The following LHFPL6 variants were observed in gnomAD, a reference collection of about 807,000 sequenced individuals.
LHFPL6 encodes the protein LHFPL tetraspan subfamily member 6.
A neutral mutation model predicts 20.6 loss-of-function variants in LHFPL6; 9 were observed. The observed-to-expected ratio is 0.44, with a 90% CI of 0.26 to 0.76. The LOEUF is 0.76. LHFPL6 is among the 30% of genes least tolerant of loss of function. The pLI, the probability that LHFPL6 is intolerant of heterozygous loss-of-function variation, is 0.20. For synonymous variants in LHFPL6, 105 were observed against 98.7 expected (o/e 1.06, Z -0.38); for missense variants, 218 against 253.5 (o/e 0.86, Z 0.95).
At chr13:39,453,487 T>C (rs1159736435) in intron 2 of LHFPL6, among the ~76,000 whole-genome samples, 1 of 152,232 alleles carries the variant, frequency 6.6e-6, no homozygotes, top group Non-Finnish European at 1.5e-5. Flanking sequence ...AAATACTTTG[T>C]GTCATGTTTT....
intron 2 of LHFPL6, among the ~76,000 whole-genome samples, chr13:39,560,371 A>G (rs1871432208): frequency 6.6e-6 from 1 of 152,016 alleles, no homozygotes; most frequent in African/African-American, 2.4e-5. Flanking sequence ...CCAGAAATCA[A>G]TTTCTGTTCT....
chr13:39,592,663 C>T (rs1051528401), intron 2 of LHFPL6, among the ~76,000 whole-genome samples: 5 of 152,126 alleles, frequency 3.3e-5, no homozygotes, highest in East Asian at 1.9e-4. Flanking sequence ...GGCAGAGACA[C>T]GACAAAAAAA....
chr13:39,549,940 A>G (rs1430428633), intron 2 of LHFPL6, among the ~76,000 whole-genome samples: 4 of 152,106 alleles, frequency 2.6e-5, no homozygotes, highest in Non-Finnish European at 5.9e-5. Flanking sequence ...TTAGACACAG[A>G]AAGTAGATTA....
chr13:39,414,505 G>A (rs1286979224), intron 2 of LHFPL6, among the ~76,000 whole-genome samples: 1 of 152,158 alleles, frequency 6.6e-6, no homozygotes, highest in Admixed American at 6.5e-5. Context: ...AGTCTTCATG[G>A]TGGATTTGGG....
chr13:39,509,535 A>T (rs571578114), intron 2 of LHFPL6, among the ~76,000 whole-genome samples: 58 of 151,956 alleles, frequency 3.8e-4, no homozygotes, highest in Admixed American at 8.5e-4. Flanking sequence ...TTTAAATTTG[A>T]TTTTTTTATT....
intron 3 of LHFPL6, among the ~76,000 whole-genome samples, chr13:39,345,708 T>A (rs1385411721): frequency 6.6e-6 from 1 of 151,978 alleles, no homozygotes; most frequent in African/African-American, 2.4e-5. Context: ...ACAATGCCTA[T>A]GGCATAGATA....
intron 2 of LHFPL6, among the ~76,000 whole-genome samples, chr13:39,489,575 G>A (rs1245949283): frequency 6.6e-6 from 1 of 151,856 alleles, no homozygotes; most frequent in Non-Finnish European, 1.5e-5. Context: ...GGGAGCGGGG[G>A]ATAGGGTCTC....
chr13:39,526,920 T>C (rs992104790), intron 2 of LHFPL6, among the ~76,000 whole-genome samples: 2 of 152,230 alleles, frequency 1.3e-5, no homozygotes, highest in African/African-American at 4.8e-5. Flanking sequence ...AACTTTGACT[T>C]GACTTACTTT....
At chr13:39,452,194 G>C (rs756637233) in intron 2 of LHFPL6, among the ~76,000 whole-genome samples, 1 of 151,944 alleles carries the variant, frequency 6.6e-6, no homozygotes, top group Non-Finnish European at 1.5e-5. Flanking sequence ...GCGGAGGGAA[G>C]TGAAGCAATC....
At chr13:39,369,491 G>C (rs1466901799) in intron 3 of LHFPL6, among the ~76,000 whole-genome samples, 4 of 151,234 alleles carry the variant, frequency 2.6e-5, no homozygotes, top group African/African-American at 9.7e-5. Flanking sequence ...ATGATTCTTG[G>C]TAGGATATCA....
At chr13:39,387,953 C>G (rs997432392) in intron 2 of LHFPL6, among the ~76,000 whole-genome samples, 9 of 152,178 alleles carry the variant, frequency 5.9e-5, no homozygotes, top group Non-Finnish European at 1.5e-5. Context: ...AATCCCTTTC[C>G]TGGGGGCCGG....
intron 2 of LHFPL6, among the ~76,000 whole-genome samples, chr13:39,510,664 T>C (rs1869664296): frequency 6.6e-6 from 1 of 151,740 alleles, no homozygotes; most frequent in Non-Finnish European, 1.5e-5. Context: ...ACACACACAA[T>C]GGAGAAGCAG....
intron 2 of LHFPL6, among the ~76,000 whole-genome samples, chr13:39,427,029 A>G (rs1593308897): frequency 2.8e-5 from 4 of 144,074 alleles, no homozygotes; most frequent in Admixed American, 2.7e-4. Context: ...TTCTCCACTG[A>G]ATTGCCTTAA....
chr13:39,423,397 A>G (rs1871547254), intron 2 of LHFPL6, among the ~76,000 whole-genome samples: 1 of 151,986 alleles, frequency 6.6e-6, no homozygotes, highest in African/African-American at 2.4e-5. Context: ...AAAGCATCAC[A>G]CTCAGCTTGG....
At chr13:39,473,629 C>A (rs1014126055) in intron 2 of LHFPL6, among the ~76,000 whole-genome samples, 1 of 152,078 alleles carries the variant, frequency 6.6e-6, no homozygotes, top group African/African-American at 2.4e-5. Flanking sequence ...TTCTTTCTTT[C>A]GGATACATTG....
chr13:39,533,305 T>C (rs1350158794), intron 2 of LHFPL6, among the ~76,000 whole-genome samples: 1 of 152,194 alleles, frequency 6.6e-6, no homozygotes, highest in Non-Finnish European at 1.5e-5. Context: ...TTTATTTCTC[T>C]CTCAAGGAAT....
chr13:39,484,131 G>A (rs1427995580), intron 2 of LHFPL6, among the ~76,000 whole-genome samples: 2 of 152,088 alleles, frequency 1.3e-5, no homozygotes, highest in East Asian at 3.9e-4. Context: ...TCATTTCCAA[G>A]TTTTTCCCCA....
At chr13:39,350,860 G>C (rs1312821687) in intron 3 of LHFPL6, among the ~76,000 whole-genome samples, 1 of 152,236 alleles carries the variant, frequency 6.6e-6, no homozygotes, top group Admixed American at 6.5e-5. Flanking sequence ...AGAGATAGGG[G>C]TGGGGAGGGA....
At chr13:39,451,141 G>A (rs1401634970) in intron 2 of LHFPL6, among the ~76,000 whole-genome samples, 1 of 151,044 alleles carries the variant, frequency 6.6e-6, no homozygotes, top group Non-Finnish European at 1.5e-5. Flanking sequence ...AACTTGTCAG[G>A]TTTTTCTCCC....
Sources: gnomAD v4.1 joint callset for allele counts (sites outside exome capture counted in the v4.1 genomes callset) on GRCh38, gnomAD v4.1.1 for gene constraint, MANE v1.5 for transcripts, NCBI Gene and HGNC (gene_info 2026-07-23, HGNC 2026-07-21) for gene names.